The following SPATS2L variants were observed in gnomAD, a reference collection of about 807,000 sequenced individuals.
SPATS2L encodes spermatogenesis associated serine rich 2 like.
Under a neutral mutation model 59.6 loss-of-function variants are expected in SPATS2L, and 30 were observed. The observed-to-expected ratio is 0.50, with a 90% CI of 0.38 to 0.68. SPATS2L has a LOEUF of 0.68. SPATS2L is among the 30% of genes least tolerant of loss of function. The pLI, the probability that SPATS2L is intolerant of heterozygous loss-of-function variation, is 0.00. For synonymous variants in SPATS2L, 252 were observed against 263.5 expected (o/e 0.96, Z 0.42); for missense variants, 615 against 700.0 (o/e 0.88, Z 1.37).
intron 2 of SPATS2L, among the ~76,000 whole-genome samples, chr2:200,340,783 T>C (rs901011635): frequency 6.6e-6 from 1 of 152,242 alleles, no homozygotes; most frequent in Non-Finnish European, 1.5e-5. Context: ...ACTTAAATCA[T>C]GTATAGTATT....
intron 6 of SPATS2L, among the ~76,000 whole-genome samples, chr2:200,424,203 C>T (rs569310613): frequency 8.5e-5 from 13 of 152,166 alleles, no homozygotes; most frequent in Non-Finnish European, 1.6e-4. Context: ...TTTATTTTTG[C>T]CGAGCGGGCA....
intron 6 of SPATS2L, among the ~76,000 whole-genome samples, chr2:200,436,103 T>C (rs1225927017): frequency 6.6e-6 from 1 of 152,134 alleles, no homozygotes; most frequent in African/African-American, 2.4e-5. Flanking sequence ...TGGAGGCTTA[T>C]GTGTGAATCA....
chr2:200,330,416 T>C (rs1183094438), intron 2 of SPATS2L, among the ~76,000 whole-genome samples: 3 of 152,232 alleles, frequency 2.0e-5, no homozygotes, highest in African/African-American at 7.2e-5. Flanking sequence ...TGGGAGTTGG[T>C]TGTTTTCCAT....
intron 3 of SPATS2L, among the ~76,000 whole-genome samples, chr2:200,397,499 T>G (rs2082393480): frequency 1.3e-5 from 2 of 152,180 alleles, no homozygotes; most frequent in South Asian, 4.1e-4. Context: ...AACAGATAGA[T>G]GCATAAACTC....
At chr2:200,411,757 A>G (rs1559108197) in intron 3 of SPATS2L, among the ~76,000 whole-genome samples, 2 of 152,206 alleles carry the variant, frequency 1.3e-5, no homozygotes, top group African/African-American at 4.8e-5. Context: ...GTTCACAAAC[A>G]TTTTTTGGAC....
At chr2:200,375,553 G>C (rs751471626) in intron 2 of SPATS2L, among the ~76,000 whole-genome samples, 3 of 152,216 alleles carry the variant, frequency 2.0e-5, no homozygotes, top group Non-Finnish European at 4.4e-5. Flanking sequence ...AAGGTTGGAG[G>C]TATGCTGGGA....
intron 9 of SPATS2L, among the ~76,000 whole-genome samples, chr2:200,466,402 A>G (rs1400183175): frequency 6.6e-6 from 1 of 152,256 alleles, no homozygotes; most frequent in East Asian, 1.9e-4. Flanking sequence ...ATCCAGCTGC[A>G]TATTTAAATC....
At chr2:200,333,285 CA>C (rs554636555) in intron 2 of SPATS2L, among the ~76,000 whole-genome samples, 11 of 140,676 alleles carry the variant, frequency 7.8e-5, no homozygotes, top group African/African-American at 7.9e-5. Context: ...GACCCTGTCT[CA>C]AAAAAAAAGA....
intron 1 of SPATS2L, among the ~76,000 whole-genome samples, chr2:200,310,111 C>G (rs916071000): frequency 2.6e-5 from 4 of 152,186 alleles, no homozygotes; most frequent in African/African-American, 9.7e-5. Context: ...GATCCAAACT[C>G]CATTCCTATT....
In SPATS2L at chr2:200,362,619, G is replaced by A. The variant is rs114479750; in HGVS notation, c.-22-26604G>A. Reference sequence around the variant, plus strand: ...CTATGTGAAGATACTTAATTGCAAGGGAGGATGGAAATTATGACCTTTAGA... The same window carrying A: ...CTATGTGAAGATACTTAATTGCAAGAGAGGATGGAAATTATGACCTTTAGA... On this transcript the variant is annotated intron_variant, in intron 2 of 12. Transcript: ENST00000409140. Among the ~76,000 whole-genome samples the A allele has an allele frequency of 2.8e-3, 422 of 152,284 alleles. 4 individuals carry two copies. The highest frequency in any genetic ancestry group is 9.7e-3 in the African/African-American group (404 of 41,568).
At chr2:200,354,618 A>T (rs1337062992) in intron 2 of SPATS2L, among the ~76,000 whole-genome samples, 1 of 149,576 alleles carries the variant, frequency 6.7e-6, no homozygotes, top group African/African-American at 2.4e-5. Context: ...AAAAAAAAAG[A>T]GAATGGAGTT....
chr2:200,424,902 G>C (rs2083469151), intron 6 of SPATS2L, among the ~76,000 whole-genome samples: 1 of 152,134 alleles, frequency 6.6e-6, no homozygotes, highest in African/African-American at 2.4e-5. Flanking sequence ...TTCGGTCCCT[G>C]TTCCTTGGAA....
intron 3 of SPATS2L, among the ~76,000 whole-genome samples, chr2:200,396,033 A>ATAAAT (rs1172186726): frequency 1.4e-4 from 3 of 21,146 alleles, no homozygotes; most frequent in Non-Finnish European, 1.8e-4. Context: ...AAAAAAAAAA[A>ATAAAT]ATATATATAT....
intron 6 of SPATS2L, 37 bp from the exon 7 acceptor site, chr2:200,439,085 T>A (rs1454118928): frequency 1.3e-6 from 2 of 1,567,838 alleles, no homozygotes; most frequent in South Asian, 1.1e-5. Flanking sequence ...GTTTTTAGTT[T>A]ATCACTTCAC....
At chr2:200,367,425 T>A (rs2081299450) in intron 2 of SPATS2L, among the ~76,000 whole-genome samples, 1 of 152,192 alleles carries the variant, frequency 6.6e-6, no homozygotes, top group African/African-American at 2.4e-5. Context: ...ACAAATGGAT[T>A]TGTTGTTTCT....
chr2:200,445,764 GT>G (rs11355899), intron 8 of SPATS2L, among the ~76,000 whole-genome samples: 84,298 of 151,284 alleles, frequency 0.56, 23,659 homozygotes, highest in Admixed American at 0.62. Flanking sequence ...ATGTTGATTG[GT>G]TTTTTTTTTC....
At chr2:200,460,607 C>T (rs932709651) in intron 9 of SPATS2L, among the ~76,000 whole-genome samples, 8 of 151,346 alleles carry the variant, frequency 5.3e-5, no homozygotes, top group East Asian at 2.0e-4. Flanking sequence ...AAAAATTAGC[C>T]GGGCGTAGTG....
chr2:200,374,555 G>C (rs1289883857), intron 2 of SPATS2L, among the ~76,000 whole-genome samples: 1 of 151,896 alleles, frequency 6.6e-6, no homozygotes. Context: ...TAGGCATTGG[G>C]TCTCAGTTGT....
intron 3 of SPATS2L, among the ~76,000 whole-genome samples, chr2:200,399,961 A>G (rs1277145296): frequency 2.7e-5 from 4 of 148,460 alleles, no homozygotes; most frequent in Admixed American, 6.7e-5. Context: ...AATGAGCAGG[A>G]AAAAAAAATC....
Sources: allele counts gnomAD v4.1 joint callset (sites outside exome capture counted in the v4.1 genomes callset), GRCh38; gene constraint gnomAD v4.1.1; transcripts MANE v1.5; gene names NCBI Gene and HGNC (gene_info 2026-07-23, HGNC 2026-07-21).